The following FLRT1 variants were observed in gnomAD, a reference collection of about 807,000 sequenced individuals.
FLRT1 encodes fibronectin leucine rich transmembrane protein 1.
FLRT1 carries 14 observed loss-of-function variants against 30.9 expected under a neutral mutation model. The ratio of observed to expected loss-of-function variants is 0.45; its 90% confidence interval spans 0.30 to 0.71. FLRT1 has a LOEUF of 0.71. Among genes scored for constraint, FLRT1 ranks in the 30% least tolerant of loss-of-function variants. The probability of loss-of-function intolerance (pLI) is 0.08; values close to 1 mark genes in which losing one functional copy is unlikely to be tolerated. For synonymous variants in FLRT1, 368 were observed against 430.4 expected (o/e 0.85, Z 1.80); for missense variants, 737 against 949.2 (o/e 0.78, Z 2.94).
chr11:64,085,618 T>C (rs1003413120), intron 1 of FLRT1, among the ~76,000 whole-genome samples: 1 of 152,162 alleles, frequency 6.6e-6, no homozygotes, highest in Non-Finnish European at 1.5e-5. Context: ...GCGACAGCCT[T>C]GTTCCTCTGC....
chr11:64,082,387 G>A lies in FLRT1; in HGVS notation c.-1037-20807G>A, dbSNP rs1944319659. On this transcript the variant is annotated intron_variant, in intron 1 of 2. Coordinates refer to ENST00000682287, the MANE Select transcript of FLRT1 (RefSeq NM_013280.5). The surrounding 1 kb of genome is among the most constrained non-coding windows in gnomAD (Gnocchi z 4.5). ...AGGAGCATGGCTGGAGTGATTGATG[G>A]CTGGGAGGGAGCCTGAAGTGGGGGC... Among the ~76,000 whole-genome samples, 1 of 151,968 alleles carries A rather than the reference G, an allele frequency of 6.6e-6. No individual in the cohort carries two copies. Among genetic ancestry groups the A allele is most frequent in the Non-Finnish European group, 1.5e-5 (1 of 67,972 alleles).
At chr11:64,040,294 G>T (rs1195094624) in intron 1 of FLRT1, among the ~76,000 whole-genome samples, 1 of 152,106 alleles carries the variant, frequency 6.6e-6, no homozygotes, top group Non-Finnish European at 1.5e-5. Context: ...AGGGAAGGGG[G>T]TGCTTAAGAC....
At chr11:64,075,577 C>T (rs1052628020) in intron 1 of FLRT1, among the ~76,000 whole-genome samples, 2 of 152,268 alleles carry the variant, frequency 1.3e-5, no homozygotes, top group African/African-American at 2.4e-5. Context: ...CTTCCCTCAG[C>T]AGCCAGATCC....
intron 1 of FLRT1, among the ~76,000 whole-genome samples, chr11:64,092,252 A>T (rs1944503803): frequency 6.6e-6 from 1 of 152,204 alleles, no homozygotes; most frequent in African/African-American, 2.4e-5. Context: ...TCTGCCTCTT[A>T]AAAAAATTAA....
At chr11:64,105,085 C>T (rs1269134846) in intron 2 of FLRT1, among the ~76,000 whole-genome samples, 16 of 152,246 alleles carry the variant, frequency 1.1e-4, no homozygotes, top group Non-Finnish European at 2.2e-4. Flanking sequence ...ATGCCATCTG[C>T]GGGGGCATTA....
At chr11:64,100,283 C>T (rs916596297) in intron 1 of FLRT1, among the ~76,000 whole-genome samples, 1 of 152,192 alleles carries the variant, frequency 6.6e-6, no homozygotes, top group South Asian at 2.1e-4. Context: ...AGATTGGGCA[C>T]TTGGCTTTCT....
intron 1 of FLRT1, among the ~76,000 whole-genome samples, chr11:64,094,338 A>G (rs555498077): frequency 1.3e-5 from 2 of 152,176 alleles, no homozygotes; most frequent in East Asian, 3.9e-4. Context: ...AGGCTGAGGC[A>G]GATAATTGCT....
chr11:64,086,098 C>T (rs1944389330), intron 1 of FLRT1, among the ~76,000 whole-genome samples: 1 of 152,188 alleles, frequency 6.6e-6, no homozygotes, highest in South Asian at 2.1e-4. Context: ...TCGGCTGGGC[C>T]AGGCCATGAG....
At chr11:64,079,112 G>T (rs941817739) in intron 1 of FLRT1, among the ~76,000 whole-genome samples, 1 of 152,142 alleles carries the variant, frequency 6.6e-6, no homozygotes, top group African/African-American at 2.4e-5. Flanking sequence ...ATGGTGCAGT[G>T]GGGGGCGGTG....
chr11:64,111,361 A>G (rs1183289769), intron 2 of FLRT1, among the ~76,000 whole-genome samples: 1 of 152,212 alleles, frequency 6.6e-6, no homozygotes, highest in Non-Finnish European at 1.5e-5. Context: ...TCCTAGACTC[A>G]GACTTGACCC....
chr11:64,038,643 A>G (rs1943428088), intron 1 of FLRT1, among the ~76,000 whole-genome samples: 1 of 152,178 alleles, frequency 6.6e-6, no homozygotes, highest in Non-Finnish European at 1.5e-5. Flanking sequence ...AGCCAGCCAG[A>G]CATCCCCAGA....
chr11:64,055,993 T>C (rs1943778855), intron 1 of FLRT1, among the ~76,000 whole-genome samples: 1 of 152,206 alleles, frequency 6.6e-6, no homozygotes, highest in Admixed American at 6.5e-5. Context: ...CTGTCGGTCC[T>C]CTGGGCCTCA....
intron 1 of FLRT1, among the ~76,000 whole-genome samples, chr11:64,037,151 G>C (rs890226631): frequency 6.6e-6 from 1 of 152,194 alleles, no homozygotes; most frequent in African/African-American, 2.4e-5. Context: ...ACGGAGGTGA[G>C]GGGTGACTGA....
Position 64,117,452 on chromosome 11 carries a change from G to A in FLRT1, c.1185G>A (p.Thr395=), listed in dbSNP as rs760054105. ...GGVANAAAKT[T]ASNHASATTP... ...TGGCCAATGCGGCTGCCAAGACCAC[G>A]GCCAGCAACCACGCCTCTGCCACCA... Residue 395 remains threonine, a synonymous_variant, in exon 3 of 3, where the codon ACG becomes ACA. Transcript: ENST00000682287. 1.7e-5 allele frequency: 28 copies of A among 1,612,942 alleles called. No individual in the cohort carries two copies. Among genetic ancestry groups the A allele is most frequent in the Admixed American group, 3.3e-5 (2 of 59,972 alleles).
chr11:64,101,971 G>A (rs1057291366), intron 1 of FLRT1, among the ~76,000 whole-genome samples: 1 of 152,186 alleles, frequency 6.6e-6, no homozygotes, highest in African/African-American at 2.4e-5. Context: ...GCCAGGCTGT[G>A]AGCCCCGTGG....
intron 1 of FLRT1, among the ~76,000 whole-genome samples, chr11:64,071,239 C>T (rs540799478): frequency 2.0e-5 from 3 of 151,944 alleles, no homozygotes; most frequent in Admixed American, 1.3e-4. Context: ...CTGTCAGGTA[C>T]CTCTCTCTCT....
At chr11:64,097,419 C>T (rs752012280) in intron 1 of FLRT1, among the ~76,000 whole-genome samples, 4 of 152,226 alleles carry the variant, frequency 2.6e-5, no homozygotes, top group Admixed American at 6.5e-5. Context: ...AGAGAAGCTC[C>T]GTCCTGGGCG....
rs939020785 is a variant in FLRT1 at position 64,096,415 on chromosome 11, CCT to C, written c.-1037-6776_-1037-6775del. On this transcript the variant is annotated intron_variant, in intron 1 of 2. Transcript: ENST00000682287. The surrounding 1 kb of genome is among the most constrained non-coding windows in gnomAD (Gnocchi z 4.6). Reference sequence around the variant, plus strand: ...GGCAGGCAAGTGGTCGTTCCTGTCCCCTCTTTTTTTTTTTTGAGACTGAGTCT... The same window carrying C: ...GGCAGGCAAGTGGTCGTTCCTGTCCCCTTTTTTTTTTTTGAGACTGAGTCT... Among the ~76,000 whole-genome samples, 2 of 151,798 alleles carry C rather than the reference CCT, an allele frequency of 1.3e-5. No individual in the cohort carries two copies. The highest frequency in any genetic ancestry group is 1.5e-5 in the Non-Finnish European group (1 of 67,874).
Position 64,067,198 on chromosome 11 carries a change from G to A in FLRT1, c.-1038+31039G>A, listed in dbSNP as rs552270650. Among the ~76,000 whole-genome samples the A allele has an allele frequency of 7.2e-5, 11 of 152,258 alleles. No homozygotes were observed. The highest frequency in any genetic ancestry group is 2.2e-4 in the African/African-American group (9 of 41,562). On this transcript the variant is annotated intron_variant, in intron 1 of 2. Transcript: ENST00000682287. This position sits in a 1 kb window ranked among gnomAD's most constrained non-coding sequence, Gnocchi z 4.6. ...ACCTGTAGGCACATGCGGCTCCAAG[G>A]AGATGGCAGATGGGAGGGGTGGGGA... is the stretch of plus-strand genomic sequence containing the variant.
Sources: allele counts gnomAD v4.1 joint callset (sites outside exome capture counted in the v4.1 genomes callset), GRCh38; gene constraint gnomAD v4.1.1; non-coding constraint Gnocchi (gnomAD v3.1); transcripts MANE v1.5; gene names NCBI Gene and HGNC (gene_info 2026-07-23, HGNC 2026-07-21).